Variants in PRDM11 observed in about 807,000 individuals in gnomAD.
PRDM11 encodes the protein PR/SET domain 11.
In PRDM11, 20 loss-of-function variants were observed where a neutral mutation model predicts 97.8. That is an observed-to-expected ratio of 0.20 (90% CI 0.14 to 0.30). The LOEUF is 0.30. Among genes scored for constraint, PRDM11 ranks in the 10% least tolerant of loss-of-function variants. The pLI, the probability that PRDM11 is intolerant of heterozygous loss-of-function variation, is 1.00. For synonymous variants in PRDM11, 599 were observed against 637.7 expected (o/e 0.94, Z 0.91); for missense variants, 1,139 against 1,555.2 (o/e 0.73, Z 4.50).
At chr11:45,154,846 G>A (rs1254088740) in intron 1 of PRDM11, among the ~76,000 whole-genome samples, 1 of 152,200 alleles carries the variant, frequency 6.6e-6, no homozygotes, top group Non-Finnish European at 1.5e-5. Flanking sequence ...AGTTTAGGAA[G>A]TAACCAAGCT....
At chr11:45,108,918 G>A (rs774082463) in intron 1 of PRDM11, among the ~76,000 whole-genome samples, 9 of 152,224 alleles carry the variant, frequency 5.9e-5, no homozygotes, top group Non-Finnish European at 8.8e-5. Flanking sequence ...AAAAATACAC[G>A]CAGATTCTGC....
intron 4 of PRDM11, among the ~76,000 whole-genome samples, chr11:45,189,509 G>A (rs1002349382): frequency 1.3e-5 from 2 of 151,706 alleles, no homozygotes; most frequent in Non-Finnish European, 2.9e-5. Flanking sequence ...GAGGAGGTCC[G>A]CCCTTCTGGG....
chr11:45,105,547 C>T (rs2135597774), intron 1 of PRDM11, among the ~76,000 whole-genome samples: 1 of 152,356 alleles, frequency 6.6e-6, no homozygotes, highest in South Asian at 2.1e-4. Flanking sequence ...GAGAGGGCCT[C>T]AGCCTCCACT....
rs920478969 is a variant in PRDM11 at position 45,234,873 on chromosome 11, G to C, written c.*6714G>C. Reference sequence around the variant, plus strand: ...AAGGAAAAATAAGTGGGGATGGGGGGAAATACCTAGGAGTCTATTATCACA... The same window carrying C: ...AAGGAAAAATAAGTGGGGATGGGGGCAAATACCTAGGAGTCTATTATCACA... On this transcript the variant is annotated 3_prime_UTR_variant, in exon 8 of 8. Transcript: ENST00000683152. 1 of 152,100 alleles carries C rather than the reference G, an allele frequency of 6.6e-6. No homozygotes were observed. The highest frequency in any genetic ancestry group is 1.5e-5 in the Non-Finnish European group (1 of 68,042). The allele number at this position is 152,100 out of a possible 1,614,324, so 9.4% of individuals were successfully genotyped here.
At chr11:45,198,976 C>T (rs1327342349) in intron 4 of PRDM11, among the ~76,000 whole-genome samples, 1 of 151,940 alleles carries the variant, frequency 6.6e-6, no homozygotes, top group Non-Finnish European at 1.5e-5. Context: ...GGAGGATAAT[C>T]ATAGTAGCTG....
chr11:45,213,020 C>G (rs962027557), intron 5 of PRDM11: 1 of 411,816 alleles, frequency 2.4e-6, no homozygotes, highest in Non-Finnish European at 5.0e-6. Context: ...TACCAGGTCT[C>G]GGAAGAGAAA....
intron 1 of PRDM11, among the ~76,000 whole-genome samples, chr11:45,139,884 A>G (rs1852963245): frequency 6.6e-6 from 1 of 152,088 alleles, no homozygotes; most frequent in African/African-American, 2.4e-5. Context: ...AAATGGAGGG[A>G]TGAGTTCAGG....
At chr11:45,189,510 C>G (rs1268475026) in intron 4 of PRDM11, among the ~76,000 whole-genome samples, 1 of 151,714 alleles carries the variant, frequency 6.6e-6, no homozygotes, top group African/African-American at 2.4e-5. Flanking sequence ...AGGAGGTCCG[C>G]CCTTCTGGGC....
At chr11:45,179,252 G>C (rs1852407706) in intron 1 of PRDM11, among the ~76,000 whole-genome samples, 1 of 152,150 alleles carries the variant, frequency 6.6e-6, no homozygotes, top group African/African-American at 2.4e-5. Flanking sequence ...CCAGCCAATG[G>C]AGAGAATTTG....
rs1854415973 is a variant in PRDM11, at chr11:45,232,442, G to C, written c.*4283G>C. 6.6e-6 allele frequency: 1 copy of C among 152,276 alleles called. No individual in the cohort carries two copies. The highest frequency in any genetic ancestry group is 2.1e-4 in the South Asian group (1 of 4,826). 9.4% of individuals were successfully genotyped at this position (152,276 alleles called of 1,614,324 possible). A position where few individuals can be genotyped will look rare whatever the true frequency, so the allele number is the denominator to read the frequency against. The stretch of plus-strand genomic sequence containing the variant: ...GGGTTGATTTCCAAGTCGAATTCAT[G>C]CTTTTTCTTGGCCCATAGGTCCAAT... On this transcript the variant is annotated 3_prime_UTR_variant, in exon 8 of 8. Coordinates refer to ENST00000683152, the MANE Select transcript of PRDM11 (RefSeq NM_001384648.1).
intron 4 of PRDM11, among the ~76,000 whole-genome samples, chr11:45,197,570 G>A (rs1394948920): frequency 6.6e-6 from 1 of 152,150 alleles, no homozygotes; most frequent in East Asian, 1.9e-4. Flanking sequence ...ATCATAGTTT[G>A]TGGCGACGGT....
chr11:45,106,291 C>T (rs1852060714), intron 1 of PRDM11, among the ~76,000 whole-genome samples: 1 of 152,134 alleles, frequency 6.6e-6, no homozygotes, highest in African/African-American at 2.4e-5. Context: ...GGTGCAGGCT[C>T]CCTCGCAAGC....
intron 1 of PRDM11, among the ~76,000 whole-genome samples, chr11:45,170,843 G>T (rs953361717): frequency 6.6e-6 from 1 of 152,108 alleles, no homozygotes; most frequent in Non-Finnish European, 1.5e-5. Flanking sequence ...CTTAGAGCAG[G>T]GTGGCAGCCA....
chr11:45,116,800 G>A (rs1008547601), intron 1 of PRDM11, among the ~76,000 whole-genome samples: 1 of 152,172 alleles, frequency 6.6e-6, no homozygotes, highest in Non-Finnish European at 1.5e-5. Flanking sequence ...TAGAACTGGG[G>A]AAGGAAATAT....
intron 6 of PRDM11, among the ~76,000 whole-genome samples, chr11:45,220,131 A>G (rs1041610934): frequency 3.9e-5 from 6 of 152,242 alleles, no homozygotes; most frequent in African/African-American, 1.2e-4. Context: ...GGTAACATTT[A>G]CTAAATACTC....
Position 45,155,547 on chromosome 11 carries a change from G to A in PRDM11, c.-7+8670G>A, listed in dbSNP as rs528480261. On this transcript the variant is annotated intron_variant, in intron 1 of 7. Transcript: ENST00000683152. ...AGAGTGTCATTTTCCCAGGGGCCAG[G>A]GGTGCCCCTCTTTAGGCCGGCTGTG... is the stretch of plus-strand genomic sequence containing the variant. Among the ~76,000 whole-genome samples, 15 of 152,230 alleles carry A rather than the reference G, an allele frequency of 9.9e-5. No individual in the cohort carries two copies. In the East Asian group the frequency reaches 2.5e-3, roughly 26 times the overall value.
intron 1 of PRDM11, among the ~76,000 whole-genome samples, chr11:45,155,770 A>C (rs1466988646): frequency 6.6e-6 from 1 of 151,758 alleles, no homozygotes; most frequent in Non-Finnish European, 1.5e-5. Context: ...GACCCCAGAG[A>C]GGAGATATTG....
chr11:45,227,453 G>C lies in PRDM11; in HGVS notation c.2828G>C (p.Gly943Ala). 1 of 1,533,804 alleles carries C rather than the reference G, an allele frequency of 6.5e-7. No homozygotes were observed. The highest frequency in any genetic ancestry group is 8.7e-7 in the Non-Finnish European group (1 of 1,146,722). The change falls in exon 8 of 8, where the codon GGG becomes GCG. Residue 943 changes from glycine to alanine, a missense_variant. Gly to Ala is a moderately conservative substitution (Grantham distance 60, BLOSUM62 0). Transcript: ENST00000683152. The surrounding 1 kb of genome is among the most constrained non-coding windows in gnomAD (Gnocchi z 8.0). The part of the protein sequence containing the change: ...FEENFRESFN[G>A]IAMKNLRVAE... Reference sequence around the variant, plus strand: ...GAGAATTTCCGAGAGAGCTTCAACGGGATCGCCATGAAGAACCTCAGGGTG... The same window carrying C: ...GAGAATTTCCGAGAGAGCTTCAACGCGATCGCCATGAAGAACCTCAGGGTG...
At chr11:45,199,521 G>C (rs142001187) in intron 4 of PRDM11, among the ~76,000 whole-genome samples, 1 of 152,184 alleles carries the variant, frequency 6.6e-6, no homozygotes, top group Non-Finnish European at 1.5e-5. Flanking sequence ...CACCATGCAG[G>C]TTCCCCAGGT....
Sources: gnomAD v4.1 joint callset for allele counts (sites outside exome capture counted in the v4.1 genomes callset) on GRCh38, gnomAD v4.1.1 for gene constraint, Gnocchi (gnomAD v3.1) non-coding constraint, MANE v1.5 for transcripts, NCBI Gene and HGNC (gene_info 2026-07-23, HGNC 2026-07-21) for gene names.